The following MDGA2 variants were observed in gnomAD, a reference collection of about 807,000 sequenced individuals.
MDGA2 encodes the protein MAM domain containing glycosylphosphatidylinositol anchor 2, also known as MAM domain-containing glycosylphosphatidylinositol anchor protein 2.
MDGA2 carries 40 observed loss-of-function variants against 117.8 expected under a neutral mutation model. The ratio of observed to expected loss-of-function variants is 0.34; its 90% CI spans 0.26 to 0.44. MDGA2 has a LOEUF of 0.44. Among genes scored for constraint, MDGA2 ranks in the 20% least tolerant of loss-of-function variants. The pLI is 1.00. For synonymous variants in MDGA2, 452 were observed against 439.0 expected, an observed-to-expected ratio of 1.03 and a Z score of -0.37; for missense variants, 1,123 against 1,250.6, an observed-to-expected ratio of 0.90 and a Z score of 1.54.
rs772986040 is a variant in MDGA2, at chr14:47,476,368, C to T, written c.281-174818G>A. On this transcript the variant is annotated intron_variant, in intron 1 of 16. Coordinates refer to ENST00000399232, the MANE Select transcript of MDGA2 (RefSeq NM_001113498.3). ...ATGTTAAATAAGTTTTAGAGACACACGTAAACAACTTAGGTTTTTTTTTGT... is the reference window on the plus strand; with the variant it reads ...ATGTTAAATAAGTTTTAGAGACACATGTAAACAACTTAGGTTTTTTTTTGT... Among the ~76,000 whole-genome samples, 8 of 151,296 alleles carry T rather than the reference C, an allele frequency of 5.3e-5. No individual in the cohort carries two copies. In the South Asian group the frequency reaches 6.2e-4, roughly 12 times the overall value.
At chr14:47,304,679 C>G (rs1251613039) in intron 1 of MDGA2, among the ~76,000 whole-genome samples, 2 of 152,066 alleles carry the variant, frequency 1.3e-5, no homozygotes, top group East Asian at 3.9e-4. Context: ...GCTTAAGAAC[C>G]TACAATATCT....
In MDGA2 at chr14:47,356,174, C is replaced by A. The variant is rs140280333; in HGVS notation, c.281-54624G>T. On this transcript the variant is annotated intron_variant, in intron 1 of 16. Transcript: ENST00000399232. ...CCCAGGAGCCCCTAGAGGACCCCTC[C>A]CCAGCACACACTTGTGAACCTGTCA... 1.4e-4 allele frequency among the ~76,000 whole-genome samples: 21 copies of A among 152,256 alleles called. No homozygotes were observed. The East Asian group carries it at 4.1e-3, about 29-fold the overall frequency.
At chr14:47,470,783 A>C (rs1893708545) in intron 1 of MDGA2, among the ~76,000 whole-genome samples, 1 of 152,116 alleles carries the variant, frequency 6.6e-6, no homozygotes, top group Admixed American at 6.6e-5. Context: ...TTTCTGTCAA[A>C]ATTAAGAATG....
chr14:46,975,830 G>C (rs1886437166), intron 8 of MDGA2, among the ~76,000 whole-genome samples: 1 of 152,104 alleles, frequency 6.6e-6, no homozygotes, highest in South Asian at 2.1e-4. Context: ...AGGGGGGCCA[G>C]TTTCCTGGTT....
intron 1 of MDGA2, among the ~76,000 whole-genome samples, chr14:47,379,524 A>T (rs1393470576): frequency 6.6e-6 from 1 of 152,214 alleles, no homozygotes; most frequent in Non-Finnish European, 1.5e-5. Context: ...ATGGAGGAAG[A>T]TCTACCAAGC....
intron 1 of MDGA2, among the ~76,000 whole-genome samples, chr14:47,520,930 A>G (rs17118851): frequency 0.045 from 6,818 of 152,284 alleles, 512 homozygotes; most frequent in African/African-American, 0.16. Flanking sequence ...TTGTCAAACA[A>G]TATCAGTACA....
intron 8 of MDGA2, among the ~76,000 whole-genome samples, 198 bp downstream of exon 8, chr14:47,034,813 G>T (rs1362008537): frequency 6.6e-6 from 1 of 151,260 alleles, no homozygotes; most frequent in Non-Finnish European, 1.5e-5. Flanking sequence ...CATGCAAAAA[G>T]CACATTTAGG....
In MDGA2 at chr14:47,613,475, T is replaced by TCA. The variant is rs879927071; in HGVS notation, c.280+61041_280+61042insTG. On this transcript the variant is annotated intron_variant, in intron 1 of 16. Transcript: ENST00000399232. ...CTTCATTTATCTCTCTCTCTCTCTC[T>TCA]CTCTCACACACACACACACACACAC... 2.1e-3 allele frequency among the ~76,000 whole-genome samples: 224 copies of TCA among 109,072 alleles called. 1 individual carries two copies. The highest frequency in any genetic ancestry group is 8.3e-3 in the South Asian group (19 of 2,290). 71.6% of individuals were successfully genotyped at this position (109,072 alleles called of 152,430 possible).
intron 1 of MDGA2, among the ~76,000 whole-genome samples, chr14:47,303,936 G>A (rs1193097702): frequency 6.6e-6 from 1 of 152,028 alleles, no homozygotes; most frequent in Non-Finnish European, 1.5e-5. Context: ...AAATTATACA[G>A]TAAGCACACT....
chr14:46,951,867 C>T (rs1289723881), intron 9 of MDGA2, among the ~76,000 whole-genome samples: 2 of 151,884 alleles, frequency 1.3e-5, no homozygotes, highest in East Asian at 1.9e-4. Flanking sequence ...AAGCTTTTGA[C>T]TTTGTATAAT....
At chr14:47,240,145 A>G (rs1886992120) in intron 2 of MDGA2, among the ~76,000 whole-genome samples, 1 of 151,660 alleles carries the variant, frequency 6.6e-6, no homozygotes, top group Non-Finnish European at 1.5e-5. Context: ...CCCTGGTTCA[A>G]GCGATTCTCC....
At chr14:47,131,235 A>C (rs1882189796) in intron 5 of MDGA2, among the ~76,000 whole-genome samples, 1 of 152,014 alleles carries the variant, frequency 6.6e-6, no homozygotes, top group African/African-American at 2.4e-5. Flanking sequence ...CTTAAGTTTC[A>C]ATCCTATTAA....
At chr14:46,972,617 G>A (rs1886313004) in intron 8 of MDGA2, among the ~76,000 whole-genome samples, 1 of 152,056 alleles carries the variant, frequency 6.6e-6, no homozygotes, top group Non-Finnish European at 1.5e-5. Context: ...CCAGATAACA[G>A]GTTTAGATCC....
chr14:47,615,757 A>T (rs548903033), intron 1 of MDGA2, among the ~76,000 whole-genome samples: 2 of 152,212 alleles, frequency 1.3e-5, no homozygotes, highest in Non-Finnish European at 2.9e-5. Context: ...ATAAATAACA[A>T]ACCTCTTCCC....
chr14:47,107,066 A>C (rs1880739987), intron 5 of MDGA2, among the ~76,000 whole-genome samples: 2 of 128,874 alleles, frequency 1.6e-5, no homozygotes, highest in African/African-American at 3.2e-5. Context: ...CTATCCCCCC[A>C]CCTTAACCCA....
chr14:47,601,609 C>G (rs1043219016), intron 1 of MDGA2, among the ~76,000 whole-genome samples: 1 of 151,984 alleles, frequency 6.6e-6, no homozygotes, highest in East Asian at 1.9e-4. Flanking sequence ...TAAAACATTT[C>G]TTATTTTAAA....
rs553643938 is a variant in MDGA2 at position 47,662,731 on chromosome 14, G to C, written c.280+11786C>G. Among the ~76,000 whole-genome samples, 7 of 152,240 alleles carry C rather than the reference G, an allele frequency of 4.6e-5. No individual in the cohort carries two copies. The East Asian group carries it at 1.4e-3, about 29-fold the overall frequency. On this transcript the variant is annotated intron_variant, in intron 1 of 16. Transcript: ENST00000399232. ...CTGAGTAACAAGACAGATTATTTCA[G>C]GCTGCAGTCCACTGGGAGTTATTCT...
intron 1 of MDGA2, among the ~76,000 whole-genome samples, chr14:47,513,188 T>C (rs919695098): frequency 3.3e-5 from 5 of 152,136 alleles, no homozygotes; most frequent in Non-Finnish European, 7.4e-5. Flanking sequence ...AAGCATCACC[T>C]TAATAAAATA....
intron 3 of MDGA2, among the ~76,000 whole-genome samples, chr14:47,199,689 G>C (rs900775143): frequency 2.0e-5 from 3 of 152,042 alleles, no homozygotes; most frequent in Non-Finnish European, 4.4e-5. Flanking sequence ...ATAATAAACA[G>C]ACAGGTATTT....
Sources: gnomAD v4.1 joint callset for allele counts (sites outside exome capture counted in the v4.1 genomes callset) on GRCh38, gnomAD v4.1.1 for gene constraint, MANE v1.5 for transcripts, NCBI Gene and HGNC (gene_info 2026-07-23, HGNC 2026-07-21) for gene names.